OPHN1: variants seen among roughly 807,000 people sequenced by gnomAD.
The protein encoded by OPHN1 is oligophrenin-1.
A neutral mutation model predicts 60.7 loss-of-function variants in OPHN1; 11 were observed. The ratio of observed to expected loss-of-function variants is 0.18; its 90% confidence interval spans 0.11 to 0.30. The LOEUF (loss-of-function observed/expected upper bound fraction) is 0.30. OPHN1 is among the 10% of genes least tolerant of loss of function. The probability of loss-of-function intolerance (pLI) is 1.00; values close to 1 mark genes in which losing one functional copy is unlikely to be tolerated. For synonymous variants in OPHN1, 226 were observed against 222.6 expected, an observed-to-expected ratio of 1.02 and a Z score of -0.14; for missense variants, 449 against 611.0, an observed-to-expected ratio of 0.73 and a Z score of 2.80.
chrX:68,183,464 C>T (rs991187486), intron 15 of OPHN1, among the ~76,000 whole-genome samples: 1 of 111,844 alleles, frequency 8.9e-6, no homozygotes, highest in Non-Finnish European at 1.9e-5. Flanking sequence ...ACCCAACACC[C>T]CTTTCTACCA....
chrX:68,104,783 T>G (rs2077074226), intron 18 of OPHN1, among the ~76,000 whole-genome samples: 1 of 111,777 alleles, frequency 8.9e-6, no homozygotes, highest in African/African-American at 3.3e-5. Flanking sequence ...GCAAAAGCAA[T>G]GGCAACAAAA....
intron 2 of OPHN1, among the ~76,000 whole-genome samples, chrX:68,387,200 T>TTCTCTCTCTCTCTCTCTC (rs61349611): frequency 1.0e-5 from 1 of 100,120 alleles, no homozygotes; most frequent in Non-Finnish European, 2.0e-5. Flanking sequence ...TTCTTTCTGT[T>TTCTCTCTCTCTCTCTCTC]TCTCTCTCTC....
chrX:68,200,628 C>T (rs889686035), intron 11 of OPHN1, among the ~76,000 whole-genome samples: 2 of 111,640 alleles, frequency 1.8e-5, no homozygotes, highest in African/African-American at 6.5e-5. Flanking sequence ...ATTCACAAAT[C>T]GAAATTGTGA....
At chrX:68,150,446 T>C (rs891301372) in intron 15 of OPHN1, among the ~76,000 whole-genome samples, 2 of 111,779 alleles carry the variant, frequency 1.8e-5, no homozygotes, top group Non-Finnish European at 3.8e-5. Context: ...TGAGCACAAA[T>C]CTAACCTATC....
At chrX:68,399,767 T>C (rs1281858054) in intron 2 of OPHN1, among the ~76,000 whole-genome samples, 1 of 111,190 alleles carries the variant, frequency 9.0e-6, no homozygotes, top group Non-Finnish European at 1.9e-5. Context: ...CCTGAGTGAT[T>C]GGGCAACTAC....
chrX:68,303,150 A>T (rs989490254), intron 2 of OPHN1, among the ~76,000 whole-genome samples: 1 of 111,801 alleles, frequency 8.9e-6, no homozygotes, highest in Non-Finnish European at 1.9e-5. Context: ...TACCCAAAAC[A>T]ATCTATACTT....
At chrX:68,246,246 A>G (rs1602267434) in intron 5 of OPHN1, among the ~76,000 whole-genome samples, 1 of 112,300 alleles carries the variant, frequency 8.9e-6, no homozygotes, top group African/African-American at 3.2e-5. Context: ...CTATTGCTAC[A>G]ATGTGTTGAC....
At chrX:68,171,608 T>G (rs1342377603) in intron 15 of OPHN1, among the ~76,000 whole-genome samples, 1 of 110,776 alleles carries the variant, frequency 9.0e-6, no homozygotes, top group Non-Finnish European at 1.9e-5. Flanking sequence ...TGGTGGTGCA[T>G]GCCTGTGATC....
chrX:68,262,679 T>A (rs1445820404), intron 5 of OPHN1, among the ~76,000 whole-genome samples: 2 of 111,773 alleles, frequency 1.8e-5, no homozygotes, highest in African/African-American at 6.5e-5. Context: ...TCAAGCTACT[T>A]GGAAGGCTGA....
chrX:68,356,193 G>C (rs2078439732), intron 2 of OPHN1, among the ~76,000 whole-genome samples: 1 of 111,282 alleles, frequency 9.0e-6, no homozygotes, highest in South Asian at 3.7e-4. Context: ...AGTGGACTTT[G>C]AGTAAAACAG....
At chrX:68,138,308 C>A (rs1269016881) in intron 15 of OPHN1, among the ~76,000 whole-genome samples, 2 of 112,018 alleles carry the variant, frequency 1.8e-5, no homozygotes, top group Non-Finnish European at 3.8e-5. Flanking sequence ...TATCTATGGG[C>A]ACAAACACAT....
chrX:68,233,541 G>A (rs957153086), intron 6 of OPHN1, among the ~76,000 whole-genome samples: 11 of 109,892 alleles, frequency 1.0e-4, no homozygotes, highest in African/African-American at 3.7e-4. Flanking sequence ...CCCCTAGATC[G>A]TTTCCTAGAT....
chrX:68,064,379 A>C (rs1458376482), intron 20 of OPHN1, among the ~76,000 whole-genome samples: 2 of 111,321 alleles, frequency 1.8e-5, no homozygotes, highest in Non-Finnish European at 3.8e-5. Flanking sequence ...CAATCCAAAT[A>C]GGGAATTCAA....
intron 2 of OPHN1, among the ~76,000 whole-genome samples, chrX:68,380,630 T>C (rs1282149013): frequency 9.0e-6 from 1 of 111,371 alleles, no homozygotes; most frequent in African/African-American, 3.3e-5. Flanking sequence ...GTATGTTGTG[T>C]CTTTGTTCTC....
chrX:68,083,281 C>T (rs2076982415), intron 19 of OPHN1, among the ~76,000 whole-genome samples: 1 of 106,299 alleles, frequency 9.4e-6, no homozygotes, highest in African/African-American at 3.4e-5. Context: ...ACCTTGTTAG[C>T]CAGGATGGTC....
At chrX:68,278,702 A>G (rs768439937) in intron 4 of OPHN1, among the ~76,000 whole-genome samples, 10 of 112,611 alleles carry the variant, frequency 8.9e-5, no homozygotes, top group Non-Finnish European at 1.9e-4. Context: ...CCTGGCCAAC[A>G]TGGCAAAACC....
intron 2 of OPHN1, among the ~76,000 whole-genome samples, chrX:68,333,255 A>AAATAAT (rs541199386): frequency 7.4e-5 from 8 of 108,097 alleles, no homozygotes; most frequent in African/African-American, 1.0e-4. Flanking sequence ...CCATCTCTAC[A>AAATAAT]AATAATAATA....
intron 15 of OPHN1, among the ~76,000 whole-genome samples, chrX:68,130,228 C>A (rs1001486608): frequency 2.7e-5 from 3 of 111,335 alleles, no homozygotes; most frequent in African/African-American, 9.8e-5. Flanking sequence ...CACACTGGTA[C>A]CTACTAGCTA....
At chrX:68,080,133 C>T (rs185287777) in intron 19 of OPHN1, among the ~76,000 whole-genome samples, 117 of 112,096 alleles carry the variant, frequency 1.0e-3, no homozygotes, top group Non-Finnish European at 2.0e-3. Flanking sequence ...TCACTGTCTT[C>T]GGGACAAAGG....
Sources: gnomAD v4.1 joint callset for allele counts (sites outside exome capture counted in the v4.1 genomes callset) on GRCh38, gnomAD v4.1.1 for gene constraint, MANE v1.5 for transcripts, NCBI Gene and HGNC (gene_info 2026-07-23, HGNC 2026-07-21) for gene names.